Variants in PRKG1 observed in about 807,000 individuals in gnomAD.
The protein encoded by PRKG1 is protein kinase cGMP-dependent 1, also known as cGMP-dependent protein kinase 1.
Under a neutral mutation model 88.1 loss-of-function variants are expected in PRKG1, and 35 were observed. The observed-to-expected ratio is 0.40, with a 90% CI of 0.30 to 0.53. PRKG1 has a LOEUF of 0.53. Ranked by LOEUF, PRKG1 falls within the 20% of genes least tolerant of loss-of-function variation. The probability of loss-of-function intolerance (pLI) is 0.59; values close to 1 mark genes in which losing one functional copy is unlikely to be tolerated. For missense variants in PRKG1, 540 were observed against 839.8 expected (o/e 0.64, Z 4.41); for synonymous variants, 303 against 292.5 (o/e 1.04, Z -0.37).
Position 52,025,637 on chromosome 10 carries a change from A to T in PRKG1, c.763-28847A>T, listed in dbSNP as rs1484134630. Among the ~76,000 whole-genome samples, 4 of 151,614 alleles carry T rather than the reference A, an allele frequency of 2.6e-5. No individual in the cohort carries two copies. The East Asian group carries it at 7.9e-4, about 30-fold the overall frequency. On this transcript the variant is annotated intron_variant, in intron 5 of 17. Transcript: ENST00000373980. ...GGTTTGTCAAAGGTCAGATGGTTGT[A>T]GATGTGTGCTGTTATTTCTGAGGTC...
chr10:51,316,314 A>C (rs1841315912), intron 2 of PRKG1, among the ~76,000 whole-genome samples: 1 of 152,256 alleles, frequency 6.6e-6, no homozygotes, highest in South Asian at 2.1e-4. Context: ...TTATATTATT[A>C]AACTGAAGAA....
At position 52,067,990 on chromosome 10, in the gene PRKG1, G is replaced by C. The variant is rs1400307352; in HGVS notation, c.935+5359G>C. On this transcript the variant is annotated intron_variant, in intron 7 of 17. Coordinates refer to ENST00000373980, the MANE Select transcript of PRKG1 (RefSeq NM_006258.4). ...GAGGCCGAGACGGGCGGATCACGAG[G>C]TCAGGAGATCGAGACCATCCTGGCT... Among the ~76,000 whole-genome samples the C allele has an allele frequency of 2.8e-5, 3 of 106,236 alleles. 1 individual carries two copies. Among genetic ancestry groups the C allele is most frequent in the Admixed American group, 2.0e-4 (2 of 9,908 alleles). The allele number at this position is 106,236 out of a possible 152,430, so 69.7% of individuals were successfully genotyped here.
intron 2 of PRKG1, among the ~76,000 whole-genome samples, chr10:51,466,456 A>G (rs1839908887): frequency 6.6e-6 from 1 of 152,072 alleles, no homozygotes; most frequent in Non-Finnish European, 1.5e-5. Flanking sequence ...TATTCTAATT[A>G]CTGCAGAATT....
At chr10:51,390,281 A>G (rs905115495) in intron 2 of PRKG1, among the ~76,000 whole-genome samples, 1 of 152,198 alleles carries the variant, frequency 6.6e-6, no homozygotes, top group African/African-American at 2.4e-5. Flanking sequence ...TTTATGGCCC[A>G]TAAAGTTGGC....
rs116719798 is a variant in PRKG1 at position 51,989,648 on chromosome 10, G to A, written c.763-64836G>A. On this transcript the variant is annotated intron_variant, in intron 5 of 17. Coordinates refer to ENST00000373980, the MANE Select transcript of PRKG1 (RefSeq NM_006258.4). ...AATATTTCCTCTAGGACCCATGAAG[G>A]CACTTTAAGAAATGCCTCATAGTTC... is the stretch of plus-strand genomic sequence containing the variant. Among the ~76,000 whole-genome samples, 934 of 151,888 alleles carry A rather than the reference G, an allele frequency of 6.1e-3. 4 individuals carry two copies. The highest frequency in any genetic ancestry group is 0.021 in the African/African-American group (863 of 41,444).
rs1841433001 is a variant in PRKG1 at position 51,512,196 on chromosome 10, T to A, written c.592+44360T>A. Among the ~76,000 whole-genome samples, 3 of 150,246 alleles carry A rather than the reference T, an allele frequency of 2.0e-5. No homozygotes were observed. In the South Asian group the frequency reaches 6.3e-4, roughly 31 times the overall value. ...ATTAATTTTTTTTTTTTTTTTAGTT[T>A]TTTTTTTTTTATTATACTTTAAGTT... On this transcript the variant is annotated intron_variant, in intron 3 of 17. Transcript: ENST00000373980.
chr10:51,382,659 C>T (rs961671478), intron 2 of PRKG1, among the ~76,000 whole-genome samples: 35 of 152,240 alleles, frequency 2.3e-4, no homozygotes, highest in Middle Eastern at 6.8e-3. Context: ...TGTCAAAGTG[C>T]CTATTTAAAG....
At chr10:51,391,397 T>A (rs1475434793) in intron 2 of PRKG1, among the ~76,000 whole-genome samples, 1 of 152,190 alleles carries the variant, frequency 6.6e-6, no homozygotes, top group Non-Finnish European at 1.5e-5. Flanking sequence ...GGAAGAGTAC[T>A]GGTGGAATCT....
chr10:52,131,816 CAAAAAAA>C (rs71459439), intron 7 of PRKG1, among the ~76,000 whole-genome samples: 6 of 44,084 alleles, frequency 1.4e-4, no homozygotes, highest in Non-Finnish European at 2.4e-4. Flanking sequence ...GAAACTCCAT[CAAAAAAA>C]AAAAAAAAAA....
intron 7 of PRKG1, among the ~76,000 whole-genome samples, chr10:52,095,732 A>C (rs10762562): frequency 0.42 from 63,787 of 152,006 alleles, 14,904 homozygotes; most frequent in Non-Finnish European, 0.51. Context: ...AAGACAAGCA[A>C]ACAAATGGCA....
At chr10:51,946,956 C>T (rs1003283315) in intron 5 of PRKG1, among the ~76,000 whole-genome samples, 23 of 152,068 alleles carry the variant, frequency 1.5e-4, no homozygotes, top group Non-Finnish European at 3.4e-4. Context: ...CTCAGATCTC[C>T]AGCTGCATGC....
chr10:52,135,305 G>A (rs954185569), intron 8 of PRKG1, among the ~76,000 whole-genome samples: 2 of 152,130 alleles, frequency 1.3e-5, no homozygotes, highest in South Asian at 2.1e-4. Flanking sequence ...AAGTGAGACT[G>A]TGTAAAGGTA....
intron 2 of PRKG1, among the ~76,000 whole-genome samples, chr10:51,282,379 A>T (rs528047522): frequency 1.3e-5 from 2 of 152,182 alleles, no homozygotes; most frequent in South Asian, 2.1e-4. Context: ...AGAGAGAGAG[A>T]TGTAGAGTCA....
In PRKG1 at chr10:52,295,251, G is replaced by A. The variant is rs1184854176; in HGVS notation, c.*1351G>A. 6.6e-6 allele frequency: 1 copy of A among 152,044 alleles called. No individual in the cohort carries two copies. Among genetic ancestry groups the A allele is most frequent in the Non-Finnish European group, 1.5e-5 (1 of 67,974 alleles). The allele number at this position is 152,044 out of a possible 1,614,324, so 9.4% of individuals were successfully genotyped here. Reference sequence around the variant, plus strand: ...CAAAACAAGAACCTGGCCAGGTGTTGATTACCTTTTAGTGAATAAGCTGAG... The same window carrying A: ...CAAAACAAGAACCTGGCCAGGTGTTAATTACCTTTTAGTGAATAAGCTGAG... On this transcript the variant is annotated 3_prime_UTR_variant, in exon 18 of 18. Transcript: ENST00000373980.
At chr10:51,893,066 G>A (rs1841761733) in intron 4 of PRKG1, among the ~76,000 whole-genome samples, 1 of 152,112 alleles carries the variant, frequency 6.6e-6, no homozygotes, top group South Asian at 2.1e-4. Flanking sequence ...TTTTGAATAA[G>A]CCATTGCATT....
chr10:51,673,258 GA>G (rs1564600811), intron 3 of PRKG1, among the ~76,000 whole-genome samples: 1 of 152,084 alleles, frequency 6.6e-6, no homozygotes, highest in Non-Finnish European at 1.5e-5. Context: ...GTGCTAAGAA[GA>G]AAAATTAAGT....
At chr10:51,380,414 AAG>A (rs1837052000) in intron 2 of PRKG1, among the ~76,000 whole-genome samples, 1 of 152,176 alleles carries the variant, frequency 6.6e-6, no homozygotes, top group African/African-American at 2.4e-5. Context: ...TCCATGAAAA[AAG>A]AGATTTTTTT....
intron 8 of PRKG1, among the ~76,000 whole-genome samples, chr10:52,138,533 G>T (rs905536446): frequency 6.6e-6 from 1 of 151,946 alleles, no homozygotes. Context: ...GATTCTTGAG[G>T]CCCTTGTGGG....
At position 51,050,193 on chromosome 10, in the gene PRKG1, C is replaced by G. The variant is rs375638714; in HGVS notation, c.266+58549C>G. ...GGATATTTAACATAATATCTATCCT[C>G]TTAGCAAAGTTTTAAGTATACAGTT... On this transcript the variant is annotated intron_variant, in intron 1 of 17. Coordinates refer to the PRKG1 transcript ENST00000401604. Among the ~76,000 whole-genome samples, 12 of 151,896 alleles carry G rather than the reference C, an allele frequency of 7.9e-5. No individual in the cohort carries two copies. In the East Asian group the frequency reaches 2.1e-3, roughly 27 times the overall value.
Sources: allele counts gnomAD v4.1 joint callset (sites outside exome capture counted in the v4.1 genomes callset), GRCh38; gene constraint gnomAD v4.1.1; transcripts MANE v1.5; gene names NCBI Gene and HGNC (gene_info 2026-07-23, HGNC 2026-07-21).